ZNF141: variants seen among roughly 807,000 people sequenced by gnomAD.
The protein encoded by ZNF141 is zinc finger protein 141.
Under a neutral mutation model 11.3 loss-of-function variants are expected in ZNF141, and 7 were observed. The ratio of observed to expected loss-of-function variants is 0.62; its 90% CI spans 0.35 to 1.16. The LOEUF (loss-of-function observed/expected upper bound fraction) is 1.16, where lower values mean the gene tolerates loss of function less well. ZNF141 is among the 50% of genes most tolerant of loss of function. The pLI, the probability that ZNF141 is intolerant of heterozygous loss-of-function variation, is 0.02. For synonymous variants in ZNF141, 183 were observed against 190.7 expected (o/e 0.96, Z 0.33); for missense variants, 535 against 554.0 (o/e 0.97, Z 0.34).
chr4:344,368 G>C lies in ZNF141; in HGVS notation c.164G>C (p.Cys55Ser). 1 of 1,608,992 alleles carries C rather than the reference G, an allele frequency of 6.2e-7. No individual in the cohort carries two copies. The highest frequency in any genetic ancestry group is 1.3e-5 in the African/African-American group (1 of 74,898). ...VAISNPDLVTCLEQRKEPYNV... is the reference protein window; with the variant it reads ...VAISNPDLVTSLEQRKEPYNV... ...ATCTCTAACCCAGACCTGGTCACCT[G>C]TCTGGAGCAAAGAAAAGAGCCCTAC... The change falls in exon 3 of 4, where the codon TGT becomes TCT. Residue 55 changes from cysteine (C) to serine (S), a missense_variant. Cys to Ser is a moderately radical substitution (Grantham distance 112, BLOSUM62 -1). Transcript: ENST00000240499.
At chr4:360,567 C>T (rs1376522124) in intron 3 of ZNF141, among the ~76,000 whole-genome samples, 6 of 152,040 alleles carry the variant, frequency 3.9e-5, no homozygotes, top group African/African-American at 9.7e-5. Flanking sequence ...CTGTATTTTA[C>T]TGGGGAGTCT....
At chr4:350,595 C>G (rs973581464) in intron 3 of ZNF141, among the ~76,000 whole-genome samples, 12 of 152,138 alleles carry the variant, frequency 7.9e-5, no homozygotes, top group Non-Finnish European at 1.3e-4. Context: ...ATTCAAATCT[C>G]ATGTCAAATG....
intron 3 of ZNF141, chr4:358,241 G>A: frequency 2.6e-6 from 1 of 380,232 alleles, no homozygotes; most frequent in Non-Finnish European, 5.0e-6. Context: ...AGACTGGAGT[G>A]CAATGGCACG....
intron 3 of ZNF141, among the ~76,000 whole-genome samples, chr4:365,462 A>G (rs1044388409): frequency 1.3e-5 from 2 of 152,168 alleles, no homozygotes; most frequent in African/African-American, 4.8e-5. Flanking sequence ...CTATTCAGCC[A>G]TCTTGGAACG....
At chr4:342,748 T>C in intron 1 of ZNF141, 1 of 1,408,364 alleles carries the variant, frequency 7.1e-7, no homozygotes, top group South Asian at 1.2e-5. Flanking sequence ...GAAAAGTCCT[T>C]ATTTATTTTA....
At chr4:362,749 G>A (rs1711550525) in intron 3 of ZNF141, among the ~76,000 whole-genome samples, 1 of 152,102 alleles carries the variant, frequency 6.6e-6, no homozygotes, top group Admixed American at 6.6e-5. Context: ...CTCTGTTTTG[G>A]TACCAGTACC....
chr4:340,296 C>G (rs1377273602), intron 1 of ZNF141, among the ~76,000 whole-genome samples: 1 of 152,234 alleles, frequency 6.6e-6, no homozygotes, highest in Non-Finnish European at 1.5e-5. Context: ...AAGTGCTCCC[C>G]AAAGCTGCAA....
chr4:349,794 T>G (rs1456737945), intron 3 of ZNF141, among the ~76,000 whole-genome samples: 3 of 152,184 alleles, frequency 2.0e-5, no homozygotes, highest in African/African-American at 7.2e-5. Context: ...CTGGAGAGAT[T>G]AGATTTCCTT....
At chr4:360,430 G>T (rs1312771027) in intron 3 of ZNF141, among the ~76,000 whole-genome samples, 3 of 152,166 alleles carry the variant, frequency 2.0e-5, no homozygotes, top group African/African-American at 4.8e-5. Context: ...CGCATGGCAT[G>T]TCAAAGATTC....
rs965405675 is a variant in ZNF141, at chr4:379,382, T to G, written c.*5520T>G. Among the ~76,000 whole-genome samples the G allele has an allele frequency of 3.9e-5, 6 of 152,202 alleles. No homozygotes were observed. The South Asian group carries it at 1.2e-3, about 32-fold the overall frequency. ...GAGTTCCTATGATTATTTTCTTCTTTATTTTATTTTTGAGACGGAGTCTCG... is the reference window on the plus strand; with the variant it reads ...GAGTTCCTATGATTATTTTCTTCTTGATTTTATTTTTGAGACGGAGTCTCG... On this transcript the variant is annotated 3_prime_UTR_variant, in exon 4 of 4. Transcript: ENST00000240499.
At chr4:362,897 T>C (rs1711558798) in intron 3 of ZNF141, among the ~76,000 whole-genome samples, 1 of 152,230 alleles carries the variant, frequency 6.6e-6, no homozygotes, top group African/African-American at 2.4e-5. Flanking sequence ...TAAAGTAGTT[T>C]TTTCCAGTTC....
chr4:341,924 G>C (rs1553848519), intron 1 of ZNF141, among the ~76,000 whole-genome samples: 1 of 152,146 alleles, frequency 6.6e-6, no homozygotes, highest in Non-Finnish European at 1.5e-5. Flanking sequence ...CCAGCAACCT[G>C]TTCTCTATCC....
rs570203248 is a variant in ZNF141 at position 349,985 on chromosome 4, G to A, written c.226+5555G>A. 3.7e-5 allele frequency among the ~76,000 whole-genome samples: 5 copies of A among 135,652 alleles called. No individual in the cohort carries two copies. The South Asian group carries it at 1.2e-3, about 32-fold the overall frequency. 89.0% of individuals were successfully genotyped at this position (135,652 alleles called of 152,430 possible). A position where few individuals can be genotyped will look rare whatever the true frequency, so the allele number is the denominator to read the frequency against. ...ACTGGCCATGGACTGTGACTGTGAGGGCTAGAACTGAGTCACAGGGCTCAG... is the reference window on the plus strand; with the variant it reads ...ACTGGCCATGGACTGTGACTGTGAGAGCTAGAACTGAGTCACAGGGCTCAG... On this transcript the variant is annotated intron_variant, in intron 3 of 3. Transcript: ENST00000240499.
At position 364,727 on chromosome 4, in the gene ZNF141, G is replaced by A. The variant is rs1711654270; in HGVS notation, c.227-7937G>A. Among the ~76,000 whole-genome samples the A allele has an allele frequency of 2.6e-5, 4 of 152,276 alleles. No homozygotes were observed. In the South Asian group the frequency reaches 8.3e-4, roughly 32 times the overall value. On this transcript the variant is annotated intron_variant, in intron 3 of 3. Transcript: ENST00000240499. ...CTTTGTCCCAGAGGGTCACCTGCCTGTATGAGGTGTCAGTCGACTCCTACT... is the reference window on the plus strand; with the variant it reads ...CTTTGTCCCAGAGGGTCACCTGCCTATATGAGGTGTCAGTCGACTCCTACT...
In ZNF141 at chr4:344,432, T is replaced by A; in HGVS notation, c.226+2T>A. ...ATAAGATCGTAGCCAGACCCCCAGG[T>A]AGGTGAGAGTGAATGGAGGAGAGGG... On this transcript the variant is annotated splice_donor_variant, in intron 3 of 3. Transcript: ENST00000240499. LOFTEE classifies it high-confidence loss of function. 5 of 1,603,330 alleles carry A rather than the reference T, an allele frequency of 3.1e-6. No individual in the cohort carries two copies. Among genetic ancestry groups the A allele is most frequent in the Non-Finnish European group, 3.4e-6 (4 of 1,172,750 alleles).
rs1047414364 is a variant in ZNF141 at position 338,006 on chromosome 4, C to T, written c.3+20C>T. On this transcript the variant is annotated intron_variant, in intron 1 of 3. Transcript: ENST00000240499. ...GAAATGGTGAGTGTGCGGGGCAGGG[C>T]GTCCCAAGGCTGAGGAGGTCTCATC... 6.2e-7 allele frequency: 1 copy of T among 1,612,908 alleles called. No homozygotes were observed. The highest frequency in any genetic ancestry group is 1.1e-5 in the South Asian group (1 of 91,074).
Position 373,828 on chromosome 4 carries a change from C to G in ZNF141, c.1391C>G (p.Ser464Ter). The G allele has an allele frequency of 6.2e-7, 1 of 1,610,362 alleles. No individual in the cohort carries two copies. Among genetic ancestry groups the G allele is most frequent in the East Asian group, 2.2e-5 (1 of 44,830 alleles). ...TGTGACAAAGCCTTTAAACGGTTCT[C>G]ACACCTGAATAAACATAAGAAAATT... ...KDCDKAFKRFSHLNKHKKIHT is the reference protein window; with the variant it reads ...KDCDKAFKRF The change falls in exon 4 of 4, where the codon TCA becomes TGA. Residue 464 changes from serine (S) to a stop codon, truncating the protein, a stop_gained. Coordinates refer to ENST00000240499, the MANE Select transcript of ZNF141 (RefSeq NM_003441.4). LOFTEE classifies it low-confidence loss of function (END_TRUNC).
rs1487105965 is a variant in ZNF141, at chr4:381,721, AG to A, written c.*7860del. On this transcript the variant is annotated 3_prime_UTR_variant, in exon 4 of 4. Transcript: ENST00000240499. ...ACCATGCCCTCAAATATGCTTTCTT[AG>A]TACTCCACATTTATGCAGCCATCTG... Among the ~76,000 whole-genome samples the A allele has an allele frequency of 2.0e-5, 3 of 151,692 alleles. 1 individual carries two copies. Among genetic ancestry groups the A allele is most frequent in the Non-Finnish European group, 4.4e-5 (3 of 67,918 alleles).
In ZNF141 at chr4:376,448, A is replaced by G. The variant is rs1314571201; in HGVS notation, c.*2586A>G. ...ATCACCTCAAGCATTCATCCTTTGT[A>G]TTACACACAATCCAATTATACACTT... On this transcript the variant is annotated 3_prime_UTR_variant, in exon 4 of 4. Coordinates refer to ENST00000240499, the MANE Select transcript of ZNF141 (RefSeq NM_003441.4). 2.0e-5 allele frequency among the ~76,000 whole-genome samples: 3 copies of G among 152,072 alleles called. No homozygotes were observed. Among genetic ancestry groups the G allele is most frequent in the Admixed American group, 1.3e-4 (2 of 15,278 alleles).
Sources: allele counts gnomAD v4.1 joint callset (sites outside exome capture counted in the v4.1 genomes callset), GRCh38; gene constraint gnomAD v4.1.1; transcripts MANE v1.5; gene names NCBI Gene and HGNC (gene_info 2026-07-23, HGNC 2026-07-21).